Variants in UGT1A9 observed in about 807,000 individuals in gnomAD.
UGT1A9 encodes the protein UDP-glucuronosyltransferase 1A9.
Under a neutral mutation model 45.0 loss-of-function variants are expected in UGT1A9, and 35 were observed. That is an observed-to-expected ratio of 0.78 (90% CI 0.59 to 1.03). UGT1A9 has a LOEUF of 1.03. Ranked by LOEUF, UGT1A9 falls within the 50% of genes least tolerant of loss-of-function variation. The pLI is 0.00. For synonymous variants in UGT1A9, 278 were observed against 250.6 expected (o/e 1.11, Z -1.03); for missense variants, 687 against 666.6 (o/e 1.03, Z -0.34).
chr2:233,745,133 G>A (rs1291736176), intron 1 of UGT1A9, among the ~76,000 whole-genome samples: 1 of 151,810 alleles, frequency 6.6e-6, no homozygotes, highest in East Asian at 1.9e-4. Flanking sequence ...CTGCAGATGT[G>A]AAGCCCAAGT....
chr2:233,737,988 G>A (rs1334321954), intron 1 of UGT1A9, among the ~76,000 whole-genome samples: 1 of 152,024 alleles, frequency 6.6e-6, no homozygotes, highest in African/African-American at 2.4e-5. Context: ...GTTTGGCTCT[G>A]TGTCCCCCAC....
rs1043133002 is a variant in UGT1A9 at position 233,769,410 on chromosome 2, C to A, written c.1295+971C>A. 7.5e-7 allele frequency: 1 copy of A among 1,333,034 alleles called. No homozygotes were observed. The highest frequency in any genetic ancestry group is 1.1e-6 in the Non-Finnish European group (1 of 947,460). The allele number at this position is 1,333,034 out of a possible 1,614,324, so 82.6% of individuals were successfully genotyped here. ...GATACTGTGTGCATATGTGCGTGTG[C>A]GTTTGTGCATGTGGCTGTGCTCATG... On this transcript the variant is annotated intron_variant, in intron 4 of 4. Transcript: ENST00000354728. The surrounding 1 kb of genome is among the most constrained non-coding windows in gnomAD (Gnocchi z 4.4).
chr2:233,713,398 C>A (rs1193578945), intron 1 of UGT1A9: 1 of 1,613,966 alleles, frequency 6.2e-7, no homozygotes, highest in African/African-American at 1.3e-5. Context: ...CATAATGAGG[C>A]CCTGATCAGG....
At chr2:233,737,893 C>T (rs954991944) in intron 1 of UGT1A9, among the ~76,000 whole-genome samples, 2 of 152,082 alleles carry the variant, frequency 1.3e-5, no homozygotes, top group African/African-American at 4.8e-5. Flanking sequence ...AGCTAATTTT[C>T]GAGTGTGGTA....
At chr2:233,713,636 C>T (rs17868333) in intron 1 of UGT1A9, 157,928 of 1,613,758 alleles carry the variant, frequency 0.098, 8,751 homozygotes, top group South Asian at 0.2. Context: ...AGAACATGCT[C>T]TACCCTCTGG....
intron 1 of UGT1A9, chr2:233,729,865 G>C (rs2077938207): frequency 3.7e-6 from 6 of 1,613,698 alleles, no homozygotes; most frequent in African/African-American, 1.3e-5. Context: ...GTCAGTGGTG[G>C]ATATTCTCAG....
At chr2:233,755,201 G>T (rs745426123) in intron 1 of UGT1A9, 6 of 1,105,450 alleles carry the variant, frequency 5.4e-6, no homozygotes, top group Non-Finnish European at 7.7e-6. Flanking sequence ...CCAGCTTGCG[G>T]TACGCCTTCT....
In UGT1A9 at chr2:233,718,993, C is replaced by A. The variant is rs141408391; in HGVS notation, c.855+46204C>A. 181 of 1,614,090 alleles carry A rather than the reference C, an allele frequency of 1.1e-4. 1 individual carries two copies. Among genetic ancestry groups the A allele is most frequent in the Non-Finnish European group, 1.5e-4 (178 of 1,180,054 alleles). On this transcript the variant is annotated intron_variant, in intron 1 of 4. Transcript: ENST00000354728. ...GAGCTCCATGCCAGAGGCCACCAGGCGGTGGTCCTCACCCCAGAGGTGAAT... is the reference window on the plus strand; with the variant it reads ...GAGCTCCATGCCAGAGGCCACCAGGAGGTGGTCCTCACCCCAGAGGTGAAT...
chr2:233,721,629 A>T (rs923769431), intron 1 of UGT1A9: 2 of 200,638 alleles, frequency 1.0e-5, no homozygotes, highest in East Asian at 1.5e-4. Context: ...ATCAGTAAAG[A>T]TCATCTTGAA....
intron 1 of UGT1A9, among the ~76,000 whole-genome samples, chr2:233,677,552 T>C (rs961151831): frequency 9.2e-5 from 14 of 152,166 alleles, no homozygotes; most frequent in Non-Finnish European, 1.8e-4. Flanking sequence ...GAAAATGTTA[T>C]TAAAAAACGT....
chr2:233,710,987 A>G (rs532291825), intron 1 of UGT1A9, among the ~76,000 whole-genome samples: 1 of 152,344 alleles, frequency 6.6e-6, no homozygotes, highest in East Asian at 1.9e-4. Context: ...AATCATTCAG[A>G]TCAGGCTATT....
At chr2:233,729,485 T>C in intron 1 of UGT1A9, 1 of 1,614,232 alleles carries the variant, frequency 6.2e-7, no homozygotes, top group Non-Finnish European at 8.5e-7. Context: ...TTGAACAATA[T>C]GTCTTTGGTC....
chr2:233,748,170 T>G (rs1693885093), intron 1 of UGT1A9: 10 of 1,590,430 alleles, frequency 6.3e-6, no homozygotes, highest in Non-Finnish European at 8.6e-6. Flanking sequence ...TATCTACTTA[T>G]CTTTCTGGTG....
chr2:233,754,587 G>A (rs1339334824), intron 1 of UGT1A9: 1 of 428,154 alleles, frequency 2.3e-6, no homozygotes, highest in Non-Finnish European at 4.7e-6. Flanking sequence ...CGTTTATTAT[G>A]AAGGACTTTA....
intron 1 of UGT1A9, chr2:233,729,916 G>A (rs2077948862): frequency 6.2e-7 from 1 of 1,614,016 alleles, no homozygotes; most frequent in African/African-American, 1.3e-5. Flanking sequence ...CTTTGTGATG[G>A]ACTACCCCAG....
intron 1 of UGT1A9, among the ~76,000 whole-genome samples, chr2:233,698,217 G>C (rs1300246844): frequency 6.6e-6 from 1 of 151,932 alleles, no homozygotes. Flanking sequence ...TAATTATTAG[G>C]AATTAAATTA....
In UGT1A9 at chr2:233,672,726, C is replaced by G; in HGVS notation, c.792C>G (p.Pro264=). The G allele has an allele frequency of 6.2e-7, 1 of 1,613,866 alleles. No individual in the cohort carries two copies. The highest frequency in any genetic ancestry group is 8.5e-7 in the Non-Finnish European group (1 of 1,179,820). ...ACTTTGTTTTGGACTATCCCAAACCCGTGATGCCCAACATGATCTTCATTG... is the reference window on the plus strand; with the variant it reads ...ACTTTGTTTTGGACTATCCCAAACCGGTGATGCCCAACATGATCTTCATTG... ...RTDFVLDYPK[P]VMPNMIFIGG... Residue 264 remains proline, a synonymous_variant, in exon 1 of 5, where the codon CCC becomes CCG. Transcript: ENST00000354728.
chr2:233,754,674 C>G (rs1158611461), intron 1 of UGT1A9: 5 of 470,208 alleles, frequency 1.1e-5, no homozygotes. Context: ...GATTTTTTTA[C>G]CATCAACTAT....
chr2:233,756,486 T>G (rs1239866709), intron 1 of UGT1A9: 1 of 152,220 alleles, frequency 6.6e-6, no homozygotes, highest in East Asian at 1.9e-4. Context: ...TCTGCAGATG[T>G]GAAGCCCAAG....
Sources: allele counts gnomAD v4.1 joint callset (sites outside exome capture counted in the v4.1 genomes callset), GRCh38; gene constraint gnomAD v4.1.1; non-coding constraint Gnocchi (gnomAD v3.1); transcripts MANE v1.5; gene names NCBI Gene and HGNC (gene_info 2026-07-23, HGNC 2026-07-21).